SETBP1: variants seen among roughly 807,000 people sequenced by gnomAD.
SETBP1 encodes the protein SET binding protein 1.
SETBP1 carries 9 observed loss-of-function variants against 101.0 expected under a neutral mutation model. The observed-to-expected ratio is 0.09, with a 90% CI of 0.05 to 0.16. The LOEUF is 0.16. Among genes scored for constraint, SETBP1 ranks in the 10% least tolerant of loss-of-function variants. The probability of loss-of-function intolerance (pLI) is 1.00; values close to 1 mark genes in which losing one functional copy is unlikely to be tolerated. For missense variants in SETBP1, 1,858 were observed against 2,033.8 expected (o/e 0.91, Z 1.66); for synonymous variants, 818 against 788.5 (o/e 1.04, Z -0.63).
At chr18:44,930,614 AC>A (rs1475065993) in intron 3 of SETBP1, among the ~76,000 whole-genome samples, 1 of 151,972 alleles carries the variant, frequency 6.6e-6, no homozygotes. Flanking sequence ...CAATTTCAGA[AC>A]CTGTTATTGG....
chr18:44,807,833 G>T (rs903266142), intron 2 of SETBP1, among the ~76,000 whole-genome samples: 1 of 152,140 alleles, frequency 6.6e-6, no homozygotes, highest in African/African-American at 2.4e-5. Context: ...ATTCACAAGG[G>T]CATGGTGGTA....
At chr18:45,038,729 G>A in intron 5 of SETBP1, 74 bp downstream of exon 5, 1 of 1,503,864 alleles carries the variant, frequency 6.6e-7, no homozygotes, top group Non-Finnish European at 9.2e-7. Context: ...AGAATGGCCT[G>A]TTGAATACAG....
At chr18:44,725,289 C>T (rs2069682572) in intron 2 of SETBP1, among the ~76,000 whole-genome samples, 1 of 152,156 alleles carries the variant, frequency 6.6e-6, no homozygotes, top group Non-Finnish European at 1.5e-5. Context: ...CATATAATTT[C>T]ACATCTAAGA....
At chr18:44,996,466 G>T (rs562113239) in intron 4 of SETBP1, among the ~76,000 whole-genome samples, 1 of 152,150 alleles carries the variant, frequency 6.6e-6, no homozygotes, top group African/African-American at 2.4e-5. Flanking sequence ...CTCTGTCCAC[G>T]TGTAGGCCTG....
intron 2 of SETBP1, among the ~76,000 whole-genome samples, chr18:44,716,092 A>G (rs1568105880): frequency 6.6e-6 from 1 of 151,836 alleles, no homozygotes; most frequent in Non-Finnish European, 1.5e-5. Flanking sequence ...TTTAAATACC[A>G]ATTTCCCTTT....
intron 3 of SETBP1, among the ~76,000 whole-genome samples, chr18:44,881,776 G>A (rs369805529): frequency 1.3e-5 from 2 of 152,286 alleles, no homozygotes; most frequent in Admixed American, 6.5e-5. Context: ...CAGTGCCCCC[G>A]CCCCTCACTG....
chr18:45,021,209 G>A (rs17795696), intron 4 of SETBP1, among the ~76,000 whole-genome samples: 6,904 of 152,254 alleles, frequency 0.045, 173 homozygotes, highest in South Asian at 0.095. Context: ...ACTTCAGTTT[G>A]CAAATTAAAC....
chr18:44,938,964 G>A (rs967140361), intron 3 of SETBP1, among the ~76,000 whole-genome samples: 1 of 151,366 alleles, frequency 6.6e-6, no homozygotes, highest in African/African-American at 2.4e-5. Context: ...GTGCATGTGT[G>A]TGTGTGTGTG....
intron 2 of SETBP1, among the ~76,000 whole-genome samples, chr18:44,860,633 G>C (rs1402116232): frequency 6.6e-6 from 1 of 152,064 alleles, no homozygotes. Flanking sequence ...TGTAATCCCA[G>C]CTACTTGGGA....
At position 44,880,697 on chromosome 18, in the gene SETBP1, G is replaced by A. The variant is rs188012380; in HGVS notation, c.540+11414G>A. On this transcript the variant is annotated intron_variant, in intron 3 of 5. Coordinates refer to ENST00000649279, the MANE Select transcript of SETBP1 (RefSeq NM_015559.3). The stretch of plus-strand genomic sequence containing the variant: ...GGCACATCACATGGCCAGAGCAGGA[G>A]CAAGAGAGCGAGTAGGGGCAGAGGT... Among the ~76,000 whole-genome samples the A allele has an allele frequency of 1.6e-4, 25 of 152,282 alleles. No homozygotes were observed. In the East Asian group the frequency reaches 4.6e-3, roughly 28 times the overall value.
At chr18:44,769,098 A>G (rs900404218) in intron 2 of SETBP1, among the ~76,000 whole-genome samples, 4 of 152,332 alleles carry the variant, frequency 2.6e-5, no homozygotes, top group African/African-American at 9.6e-5. Context: ...AGGAGGCTGG[A>G]GAGGGTGCTG....
chr18:44,852,919 G>C (rs1055459782), intron 2 of SETBP1, among the ~76,000 whole-genome samples: 12 of 152,160 alleles, frequency 7.9e-5, no homozygotes, highest in Admixed American at 6.5e-5. Flanking sequence ...GGGCTGATGA[G>C]GTATGAGCAG....
In SETBP1 at chr18:44,949,909, C is replaced by G. The variant is rs1192771807; in HGVS notation, c.569C>G (p.Thr190Ser). 1.2e-6 allele frequency: 2 copies of G among 1,613,748 alleles called. No homozygotes were observed. Among genetic ancestry groups the G allele is most frequent in the Non-Finnish European group, 1.7e-6 (2 of 1,180,012 alleles). The change falls in exon 4 of 6, where the codon ACT becomes AGT. Residue 190 changes from threonine (T) to serine (S), a missense_variant. Physicochemically the swap from Thr to Ser is moderately conservative, Grantham distance 58 (BLOSUM62 1). Transcript: ENST00000649279. ...QAYERPQKHS[T>S]LHYDTGLPQD... is the part of the protein sequence containing the mutation. ...TACGAGAGGCCCCAGAAACATTCAA[C>G]TCTCCATTATGACACGGGCCTCCCA...
At chr18:44,884,561 G>A (rs562456773) in intron 3 of SETBP1, among the ~76,000 whole-genome samples, 4 of 152,266 alleles carry the variant, frequency 2.6e-5, no homozygotes, top group African/African-American at 9.6e-5. Flanking sequence ...CAGAACTTTT[G>A]TAAACTGACT....
At chr18:44,786,494 G>C (rs913272160) in intron 2 of SETBP1, among the ~76,000 whole-genome samples, 1 of 152,142 alleles carries the variant, frequency 6.6e-6, no homozygotes, top group East Asian at 1.9e-4. Context: ...GAAGTCACTG[G>C]CCAAAGAAAA....
chr18:44,773,836 T>TTCTGTGTG (rs1280926160), intron 2 of SETBP1, among the ~76,000 whole-genome samples: 1 of 36,338 alleles, frequency 2.8e-5, no homozygotes, highest in Admixed American at 3.3e-4. Flanking sequence ...CTCTCTCTGT[T>TTCTGTGTG]TATGTGTGTG....
chr18:44,760,064 C>T (rs2070604481), intron 2 of SETBP1, among the ~76,000 whole-genome samples: 1 of 152,170 alleles, frequency 6.6e-6, no homozygotes, highest in East Asian at 1.9e-4. Flanking sequence ...GGTGGAGGCT[C>T]TTGTTACAAT....
chr18:44,761,889 C>T (rs751598470), intron 2 of SETBP1, among the ~76,000 whole-genome samples: 4 of 152,074 alleles, frequency 2.6e-5, no homozygotes, highest in East Asian at 3.9e-4. Context: ...TTTTGATGTC[C>T]GAGCCAGGGC....
chr18:45,040,227 G>C (rs4890507), intron 5 of SETBP1, among the ~76,000 whole-genome samples: 19,405 of 152,080 alleles, frequency 0.13, 1,884 homozygotes, highest in African/African-American at 0.27. Flanking sequence ...TGGTGGAATG[G>C]CCAGGTAAAT....
Sources: allele counts gnomAD v4.1 joint callset (sites outside exome capture counted in the v4.1 genomes callset), GRCh38; gene constraint gnomAD v4.1.1; transcripts MANE v1.5; gene names NCBI Gene and HGNC (gene_info 2026-07-23, HGNC 2026-07-21).